Variants in HDAC5 observed in about 807,000 individuals in gnomAD.
HDAC5 encodes histone deacetylase 5.
A neutral mutation model predicts 133.3 loss-of-function variants in HDAC5; 25 were observed. The observed-to-expected ratio is 0.19, with a 90% confidence interval of 0.14 to 0.26. The LOEUF (loss-of-function observed/expected upper bound fraction) is 0.26. HDAC5 is among the 10% of genes least tolerant of loss of function. The pLI is 1.00. For missense variants in HDAC5, 1,041 were observed against 1,460.5 expected (o/e 0.71, Z 4.68); for synonymous variants, 589 against 610.8 (o/e 0.96, Z 0.53).
chr17:44,110,034 G>A (rs1036404086), intron 3 of HDAC5, among the ~76,000 whole-genome samples: 1 of 152,260 alleles, frequency 6.6e-6, no homozygotes. Context: ...GGCAGGATTA[G>A]GGGGTCCCGA....
At chr17:44,120,823 C>T (rs2052946287) in intron 1 of HDAC5, among the ~76,000 whole-genome samples, 1 of 151,934 alleles carries the variant, frequency 6.6e-6, no homozygotes, top group Non-Finnish European at 1.5e-5. Flanking sequence ...CCCTCCTGAC[C>T]ATGGCCACAG....
chr17:44,123,185 C>A, intron 1 of HDAC5: 1 of 228,702 alleles, frequency 4.4e-6, no homozygotes, highest in Non-Finnish European at 8.4e-6. Flanking sequence ...AGGGGCAAAT[C>A]AGACAACCCC....
In HDAC5 at chr17:44,082,771, G is replaced by A. The variant is rs1382390602; in HGVS notation, c.2513C>T (p.Thr838Ile). The A allele has an allele frequency of 7.0e-6, 11 of 1,577,438 alleles. No individual in the cohort carries two copies. Among genetic ancestry groups the A allele is most frequent in the African/African-American group, 4.0e-5 (3 of 74,428 alleles). Reference sequence around the variant, plus strand: ...GAGAATCTAGGGCACTCACATGGCTGTGGATTCCTCGGCGTGGTGTCCTGG... The same window carrying A: ...GAGAATCTAGGGCACTCACATGGCTATGGATTCCTCGGCGTGGTGTCCTGG... ...RPPGHHAEESTAMGFCFFNSV... is the reference protein window; with the variant it reads ...RPPGHHAEESIAMGFCFFNSV... Residue 838 changes from threonine to isoleucine, a missense_variant, in exon 19 of 27, where the codon ACA (threonine) becomes ATA (isoleucine). By Grantham distance (89) the Thr-to-Ile change is moderately conservative. Transcript: ENST00000682912.
chr17:44,086,432 G>A (rs2143145901), intron 14 of HDAC5, 140 bp downstream of exon 14: 1 of 586,130 alleles, frequency 1.7e-6, no homozygotes, highest in East Asian at 3.5e-5. Flanking sequence ...TGGGGTACAG[G>A]GAGAGAACGA....
At chr17:44,098,608 C>T (rs1049780327) in intron 3 of HDAC5, among the ~76,000 whole-genome samples, 5 of 151,074 alleles carry the variant, frequency 3.3e-5, no homozygotes, top group African/African-American at 1.2e-4. Context: ...GGTGCGGTAG[C>T]GGGCACTTGT....
chr17:44,111,154 C>G, intron 2 of HDAC5: 1 of 374,158 alleles, frequency 2.7e-6, no homozygotes, highest in South Asian at 2.5e-5. Context: ...GGGAGCTCAG[C>G]GGGCAGGCGG....
rs200677576 is a variant in HDAC5, at chr17:44,078,580, G to C, written c.3249C>G (p.Ala1083=). The change falls in exon 26 of 27, where the codon GCC becomes GCG. Residue 1083 remains alanine (A), a synonymous_variant. Transcript: ENST00000682912. ...REAQAGETEE[A]ETVSAMALLS... Reference sequence around the variant, plus strand: ...GCAAGGCCATGGCGCTCACAGTCTCGGCCTCCTCGGTCTCACCTGCTTGGG... The same window carrying C: ...GCAAGGCCATGGCGCTCACAGTCTCCGCCTCCTCGGTCTCACCTGCTTGGG... 2.9e-5 allele frequency: 47 copies of C among 1,610,330 alleles called. No individual in the cohort carries two copies. The highest frequency in any genetic ancestry group is 6.7e-5 in the Admixed American group (4 of 60,016).
intron 3 of HDAC5, among the ~76,000 whole-genome samples, chr17:44,099,990 G>T (rs2051493979): frequency 1.3e-5 from 2 of 152,308 alleles, no homozygotes; most frequent in East Asian, 3.9e-4. Flanking sequence ...ATGAGGGAGA[G>T]CCTGGTCCTC....
intron 2 of HDAC5, among the ~76,000 whole-genome samples, chr17:44,113,612 CA>C (rs2052472512): frequency 6.6e-6 from 1 of 152,178 alleles, no homozygotes; most frequent in Non-Finnish European, 1.5e-5. Flanking sequence ...TATCATCCCA[CA>C]AACCTTATGG....
intron 3 of HDAC5, among the ~76,000 whole-genome samples, chr17:44,094,978 T>C (rs2051177412): frequency 6.6e-6 from 1 of 151,926 alleles, no homozygotes; most frequent in South Asian, 2.1e-4. Flanking sequence ...AATTTTTTAG[T>C]AGAGACAGGG....
Position 44,117,766 on chromosome 17 carries a change from C to T in HDAC5, c.-189-62G>A. ...TCAGGAATCTGAGAGTCGAAGGAGA[C>T]CTTGGAGCTCATCAGTTTGTACCTG... On this transcript the variant is annotated intron_variant, in intron 1 of 26. Coordinates refer to ENST00000682912, the MANE Select transcript of HDAC5 (RefSeq NM_005474.5). The surrounding 1 kb of genome is among the most constrained non-coding windows in gnomAD (Gnocchi z 4.2). 1.7e-6 allele frequency: 1 copy of T among 596,662 alleles called. No homozygotes were observed. The highest frequency in any genetic ancestry group is 2.0e-5 in the South Asian group (1 of 50,486). 37.0% of individuals were successfully genotyped at this position (596,662 alleles called of 1,614,324 possible).
chr17:44,117,343 G>A lies in HDAC5; in HGVS notation c.22+151C>T, dbSNP rs2052709809. On this transcript the variant is annotated intron_variant, in intron 2 of 26. Coordinates refer to ENST00000682912, the MANE Select transcript of HDAC5 (RefSeq NM_005474.5). This position sits in a 1 kb window ranked among gnomAD's most constrained non-coding sequence, Gnocchi z 4.2. ...CCTCGATTCCCAGGTCTACCTCATG[G>A]GCCCTTTCTTGCAACACTTCTCCAC... 3.4e-6 allele frequency: 3 copies of A among 881,056 alleles called. No homozygotes were observed. Among genetic ancestry groups the A allele is most frequent in the Non-Finnish European group, 5.7e-6 (3 of 529,662 alleles). The allele number at this position is 881,056 out of a possible 1,614,324, so 54.6% of individuals were successfully genotyped here.
intron 14 of HDAC5, among the ~76,000 whole-genome samples, chr17:44,086,122 C>T (rs560891028): frequency 6.6e-6 from 1 of 152,302 alleles, no homozygotes; most frequent in Non-Finnish European, 1.5e-5. Flanking sequence ...CTCCTGCTTT[C>T]CCCCTCCTGC....
At position 44,117,801 on chromosome 17, in the gene HDAC5, G is replaced by A; in HGVS notation, c.-189-97C>T. ...CATCAGTTTGTACCTGGGGATGAGG[G>A]ATGAGAGGGAGGGATACCTGCCCAC... is the stretch of plus-strand genomic sequence containing the variant. On this transcript the variant is annotated intron_variant, in intron 1 of 26. Transcript: ENST00000682912. This position sits in a 1 kb window ranked among gnomAD's most constrained non-coding sequence, Gnocchi z 4.2. 1 of 573,352 alleles carries A rather than the reference G, an allele frequency of 1.7e-6. No individual in the cohort carries two copies. Among genetic ancestry groups the A allele is most frequent in the South Asian group, 2.2e-5 (1 of 45,410 alleles). 35.5% of individuals were successfully genotyped at this position (573,352 alleles called of 1,614,324 possible).
chr17:44,080,554 G>C, intron 21 of HDAC5, 56 bp from the exon 22 acceptor site: 1 of 1,565,970 alleles, frequency 6.4e-7, no homozygotes, highest in Non-Finnish European at 8.8e-7. Context: ...CCCAAACATT[G>C]CCCCTGCCCT....
At chr17:44,087,791 T>G (rs370992650) in intron 12 of HDAC5, 95 bp from the exon 13 acceptor site, 2 of 1,395,358 alleles carry the variant, frequency 1.4e-6, no homozygotes, top group Non-Finnish European at 1.9e-6. Flanking sequence ...CCCTCCCTTC[T>G]TCCAGGTAGA....
intron 2 of HDAC5, among the ~76,000 whole-genome samples, chr17:44,115,391 A>G (rs983076104): frequency 2.0e-5 from 3 of 152,116 alleles, no homozygotes; most frequent in African/African-American, 7.2e-5. Context: ...GGCTCTCTAC[A>G]GGGAAGTGGA....
intron 17 of HDAC5, 59 bp from the exon 18 acceptor site, chr17:44,083,711 C>G: frequency 6.3e-7 from 1 of 1,583,618 alleles, no homozygotes; most frequent in Non-Finnish European, 8.7e-7. Flanking sequence ...CAGGGGAGGG[C>G]ACCTGGACAG....
chr17:44,096,775 C>CT (rs1001009499), intron 3 of HDAC5, among the ~76,000 whole-genome samples: 2 of 148,876 alleles, frequency 1.3e-5, no homozygotes, highest in African/African-American at 2.5e-5. Context: ...TGCCCCTGGC[C>CT]TTTTTTTTAG....
Sources: allele counts gnomAD v4.1 joint callset (sites outside exome capture counted in the v4.1 genomes callset), GRCh38; gene constraint gnomAD v4.1.1; non-coding constraint Gnocchi (gnomAD v3.1); transcripts MANE v1.5; gene names NCBI Gene and HGNC (gene_info 2026-07-23, HGNC 2026-07-21).